KIAA1217: variants seen among roughly 807,000 people sequenced by gnomAD.
KIAA1217 encodes the protein KIAA1217.
A neutral mutation model predicts 163.9 loss-of-function variants in KIAA1217; 88 were observed. The ratio of observed to expected loss-of-function variants is 0.54; its 90% confidence interval spans 0.45 to 0.64. KIAA1217 has a LOEUF of 0.64. Ranked by LOEUF, KIAA1217 falls within the 30% of genes least tolerant of loss-of-function variation. KIAA1217 has a pLI of 0.00. For missense variants in KIAA1217, 2,372 were observed against 2,475.0 expected (o/e 0.96, Z 0.88); for synonymous variants, 903 against 923.1 (o/e 0.98, Z 0.39).
intron 2 of KIAA1217, among the ~76,000 whole-genome samples, chr10:24,089,383 C>T (rs1589449943): frequency 8.0e-6 from 1 of 124,750 alleles, no homozygotes; most frequent in African/African-American, 2.5e-5. Flanking sequence ...GCCTATGTCC[C>T]GAATGGTATT....
chr10:24,042,496 G>A (rs1418526942), intron 2 of KIAA1217: 1 of 152,154 alleles, frequency 6.6e-6, no homozygotes, highest in Non-Finnish European at 1.5e-5. Context: ...CCACACAAAG[G>A]TAATGTTTGA....
intron 2 of KIAA1217, among the ~76,000 whole-genome samples, chr10:24,037,146 A>G (rs905879548): frequency 2.0e-5 from 3 of 152,054 alleles, no homozygotes; most frequent in Non-Finnish European, 2.9e-5. Context: ...GTGGGGAGAT[A>G]CTAGCCTAGA....
chr10:23,910,779 C>T (rs767341667), intron 1 of KIAA1217, among the ~76,000 whole-genome samples: 5 of 152,106 alleles, frequency 3.3e-5, no homozygotes, highest in South Asian at 2.1e-4. Flanking sequence ...TGTCTGGCCC[C>T]GTAACACATA....
chr10:24,314,490 C>T (rs186618542), intron 2 of KIAA1217, among the ~76,000 whole-genome samples: 15 of 152,298 alleles, frequency 9.8e-5, no homozygotes, highest in Admixed American at 7.8e-4. Flanking sequence ...TGTGTGCACA[C>T]GTGTACATGT....
chr10:24,030,848 C>T (rs1360130472), intron 2 of KIAA1217, among the ~76,000 whole-genome samples: 1 of 152,164 alleles, frequency 6.6e-6, no homozygotes, highest in Non-Finnish European at 1.5e-5. Context: ...GTCAGAAGTT[C>T]CTGCCTTTTT....
intron 2 of KIAA1217, among the ~76,000 whole-genome samples, chr10:24,154,486 G>A (rs982441938): frequency 4.6e-5 from 7 of 152,054 alleles, no homozygotes; most frequent in African/African-American, 1.4e-4. Context: ...TGACTTATTG[G>A]AAGGATTAAA....
At chr10:24,290,982 C>CT (rs2079037176) in intron 2 of KIAA1217, among the ~76,000 whole-genome samples, 1 of 152,038 alleles carries the variant, frequency 6.6e-6, no homozygotes, top group Admixed American at 6.5e-5. Context: ...CAAATTGTGC[C>CT]CTCTTTTCAA....
intron 2 of KIAA1217, among the ~76,000 whole-genome samples, chr10:24,330,150 A>T (rs1450671815): frequency 6.6e-6 from 1 of 152,064 alleles, no homozygotes; most frequent in South Asian, 2.1e-4. Flanking sequence ...AAATACAAAA[A>T]TTAGCCAGGC....
intron 6 of KIAA1217, among the ~76,000 whole-genome samples, chr10:24,484,210 G>T (rs151201357): frequency 0.17 from 20,854 of 125,918 alleles, 1,887 homozygotes; most frequent in South Asian, 0.31. Context: ...CATATATATA[G>T]ATAGATAGAT....
chr10:24,406,250 T>C (rs2057199106), intron 3 of KIAA1217, among the ~76,000 whole-genome samples: 1 of 152,182 alleles, frequency 6.6e-6, no homozygotes, highest in Non-Finnish European at 1.5e-5. Flanking sequence ...CATTGTCCCA[T>C]ATGGATGAGA....
intron 2 of KIAA1217, among the ~76,000 whole-genome samples, chr10:24,239,696 TTTG>T (rs2072810749): frequency 3.7e-5 from 3 of 80,938 alleles, no homozygotes; most frequent in African/African-American, 1.1e-4. Context: ...TGTGTGTGTG[TTTG>T]TGTGTGTGTG....
chr10:23,927,472 A>G (rs79001891), intron 1 of KIAA1217, among the ~76,000 whole-genome samples: 7,535 of 152,206 alleles, frequency 0.05, 593 homozygotes, highest in African/African-American at 0.17. Flanking sequence ...CAAAACTAGT[A>G]GTAAATCAGA....
At chr10:24,437,113 T>G (rs1396410283) in intron 4 of KIAA1217, among the ~76,000 whole-genome samples, 2 of 152,186 alleles carry the variant, frequency 1.3e-5, no homozygotes, top group African/African-American at 4.8e-5. Flanking sequence ...TCACAGTTAG[T>G]CTTTTTCATG....
chr10:24,068,535 C>G (rs1373387430), intron 2 of KIAA1217, among the ~76,000 whole-genome samples: 1 of 152,094 alleles, frequency 6.6e-6, no homozygotes, highest in African/African-American at 2.4e-5. Context: ...TTTTCCTTGA[C>G]TCTGTTGATA....
At chr10:24,226,885 T>C (rs989720637) in intron 2 of KIAA1217, among the ~76,000 whole-genome samples, 29 of 152,212 alleles carry the variant, frequency 1.9e-4, no homozygotes, top group Middle Eastern at 3.4e-3. Flanking sequence ...TGAATAGATG[T>C]TGATGGCTTC....
intron 1 of KIAA1217, among the ~76,000 whole-genome samples, chr10:23,849,915 T>G (rs1456797466): frequency 6.6e-6 from 1 of 152,102 alleles, no homozygotes; most frequent in Non-Finnish European, 1.5e-5. Context: ...TAAACATTCA[T>G]GCGTACAACA....
chr10:24,294,021 G>A (rs1204617891), intron 2 of KIAA1217, among the ~76,000 whole-genome samples: 1 of 151,758 alleles, frequency 6.6e-6, no homozygotes, highest in Admixed American at 6.6e-5. Context: ...GGGAAACACC[G>A]TCTCTAATAA....
chr10:23,904,155 GT>G (rs761167643), intron 1 of KIAA1217, among the ~76,000 whole-genome samples: 28 of 152,114 alleles, frequency 1.8e-4, no homozygotes, highest in Non-Finnish European at 3.8e-4. Flanking sequence ...CATGCCAGCT[GT>G]AAAGGCAATT....
intron 2 of KIAA1217, among the ~76,000 whole-genome samples, chr10:24,047,095 A>G (rs1269127406): frequency 6.6e-6 from 1 of 152,238 alleles, no homozygotes; most frequent in Non-Finnish European, 1.5e-5. Flanking sequence ...GAGTTAATAA[A>G]TGCATCACAA....
Sources: allele counts gnomAD v4.1 joint callset (sites outside exome capture counted in the v4.1 genomes callset), GRCh38; gene constraint gnomAD v4.1.1; transcripts MANE v1.5; gene names NCBI Gene and HGNC (gene_info 2026-07-23, HGNC 2026-07-21).